PCDHA11: variants seen among roughly 807,000 people sequenced by gnomAD.
PCDHA11 encodes protocadherin alpha 11.
A neutral mutation model predicts 70.3 loss-of-function variants in PCDHA11; 61 were observed. That is an observed-to-expected ratio of 0.87 (90% CI 0.71 to 1.07). The LOEUF (loss-of-function observed/expected upper bound fraction) is 1.07. PCDHA11 is among the 50% of genes least tolerant of loss of function. PCDHA11 has a pLI of 0.00. For missense variants in PCDHA11, 1,324 were observed against 1,237.5 expected (o/e 1.07, Z -1.05); for synonymous variants, 633 against 555.1 (o/e 1.14, Z -1.97).
intron 3 of PCDHA11, among the ~76,000 whole-genome samples, chr5:141,003,148 GA>G (rs1554258931): frequency 1.3e-5 from 2 of 152,188 alleles, no homozygotes; most frequent in African/African-American, 4.8e-5. Flanking sequence ...CAAAGACTCT[GA>G]CCTGATCAAT....
At chr5:140,878,693 C>A (rs932928385) in intron 1 of PCDHA11, among the ~76,000 whole-genome samples, 6 of 152,254 alleles carry the variant, frequency 3.9e-5, no homozygotes, top group South Asian at 2.1e-4. Flanking sequence ...TCTTACATAC[C>A]CCAGCCTGGT....
intron 1 of PCDHA11, chr5:140,968,753 C>G: frequency 1.2e-6 from 2 of 1,614,022 alleles, no homozygotes; most frequent in Non-Finnish European, 1.7e-6. Flanking sequence ...CGTGGTGGTC[C>G]GAGATAATGG....
intron 1 of PCDHA11, among the ~76,000 whole-genome samples, chr5:140,976,809 T>C (rs1563451400): frequency 6.6e-6 from 1 of 152,220 alleles, no homozygotes; most frequent in Non-Finnish European, 1.5e-5. Flanking sequence ...TATCTGAAGA[T>C]ATGCATGTGT....
At chr5:140,933,184 G>T (rs1459868769) in intron 1 of PCDHA11, among the ~76,000 whole-genome samples, 4 of 149,618 alleles carry the variant, frequency 2.7e-5, no homozygotes, top group African/African-American at 4.9e-5. Flanking sequence ...ATAAGATAAT[G>T]GTTCAGGATA....
rs782411315 is a variant in PCDHA11, at chr5:140,883,596, T to G, written c.2391+12102T>G. ...CTGTGGGCCACGGCCAGCGTGTCGG[T>G]GGGGGTGGCCGACGTGAACGACAAC... On this transcript the variant is annotated intron_variant, in intron 1 of 3. Coordinates refer to ENST00000398640, the MANE Select transcript of PCDHA11 (RefSeq NM_018902.5). 1.0e-4 allele frequency: 167 copies of G among 1,613,676 alleles called. No homozygotes were observed. The highest frequency in any genetic ancestry group is 1.6e-4 in the Middle Eastern group (1 of 6,072).
chr5:140,975,201 A>G (rs1253516142), intron 1 of PCDHA11, among the ~76,000 whole-genome samples: 1 of 152,144 alleles, frequency 6.6e-6, no homozygotes, highest in Non-Finnish European at 1.5e-5. Context: ...CTCCATCTTC[A>G]TGGCTGGCAC....
At chr5:140,965,343 T>C (rs1460433512) in intron 1 of PCDHA11, among the ~76,000 whole-genome samples, 1 of 152,154 alleles carries the variant, frequency 6.6e-6, no homozygotes, top group Admixed American at 6.5e-5. Flanking sequence ...TGTCTCTGTG[T>C]TGCCTCTATA....
chr5:140,879,019 T>C (rs1554170641), intron 1 of PCDHA11, among the ~76,000 whole-genome samples: 2 of 152,216 alleles, frequency 1.3e-5, no homozygotes, highest in African/African-American at 4.8e-5. Flanking sequence ...AGATAATGTT[T>C]TATTGAAGAG....
chr5:140,931,259 CTATT>C (rs1407255574), intron 1 of PCDHA11, among the ~76,000 whole-genome samples: 2 of 152,080 alleles, frequency 1.3e-5, no homozygotes, highest in African/African-American at 4.8e-5. Flanking sequence ...AGAAATTTCA[CTATT>C]TATTTCTTTT....
intron 3 of PCDHA11, among the ~76,000 whole-genome samples, chr5:140,996,371 C>G (rs1183587138): frequency 6.6e-6 from 1 of 152,126 alleles, no homozygotes; most frequent in Admixed American, 6.6e-5. Context: ...ATTTTGTTGT[C>G]GGCTGAAATA....
intron 1 of PCDHA11, among the ~76,000 whole-genome samples, chr5:140,910,365 A>G (rs1554194228): frequency 6.6e-6 from 1 of 152,164 alleles, no homozygotes; most frequent in Non-Finnish European, 1.5e-5. Flanking sequence ...TATGGTAGCT[A>G]TGCCCACCTT....
Position 140,869,663 on chromosome 5 carries a change from A to G in PCDHA11, c.560A>G (p.Lys187Arg), listed in dbSNP as rs782419090. 3.1e-6 allele frequency: 5 copies of G among 1,613,538 alleles called. No individual in the cohort carries two copies. Among genetic ancestry groups the G allele is most frequent in the Non-Finnish European group, 4.2e-6 (5 of 1,179,864 alleles). Reference sequence around the variant, plus strand: ...TCTTTAGATTCACCAACAAATGGTAAGCAGATTAAAAGACTGTCACTTATT... The same window carrying G: ...TCTTTAGATTCACCAACAAATGGTAGGCAGATTAAAAGACTGTCACTTATT... ...YFSLDSPTNG[K>R]QIKRLSLILK... Residue 187 changes from lysine to arginine, a missense_variant, in exon 1 of 4, where the codon AAG becomes AGG. By Grantham distance (26) the Lys-to-Arg change is conservative. Coordinates refer to ENST00000398640, the MANE Select transcript of PCDHA11 (RefSeq NM_018902.5).
chr5:140,928,106 G>A, intron 1 of PCDHA11: 4 of 1,614,150 alleles, frequency 2.5e-6, no homozygotes, highest in Non-Finnish European at 3.4e-6. Context: ...CCCCTGGACC[G>A]GGAGCAGATC....
intron 1 of PCDHA11, among the ~76,000 whole-genome samples, chr5:140,925,964 C>CA (rs782520997): frequency 4.3e-4 from 65 of 150,204 alleles, no homozygotes; most frequent in Middle Eastern, 3.4e-3. Flanking sequence ...TGCTATCACG[C>CA]AAAAAAAAAG....
Position 140,870,554 on chromosome 5 carries a change from A to G in PCDHA11, c.1451A>G (p.Gln484Arg), listed in dbSNP as rs1554164402. The G allele has an allele frequency of 6.2e-7, 1 of 1,614,044 alleles. No individual in the cohort carries two copies. The highest frequency in any genetic ancestry group is 8.5e-7 in the Non-Finnish European group (1 of 1,179,994). The change falls in exon 1 of 4, where the codon CAG becomes CGG. Residue 484 changes from glutamine (Q) to arginine (R), a missense_variant. Gln to Arg is a conservative substitution (Grantham distance 43). Transcript: ENST00000398640. Reference protein sequence around the residue: ...FTVSARDADAQENALVSYSLV... With the variant: ...FTVSARDADARENALVSYSLV... ...GTGTCGGCGCGGGACGCGGACGCGC[A>G]GGAGAACGCGCTGGTGTCCTACTCG...
In PCDHA11 at chr5:140,983,053, C is replaced by T. The variant is rs571565176; in HGVS notation, c.2539+490C>T. 3.3e-5 allele frequency among the ~76,000 whole-genome samples: 5 copies of T among 151,988 alleles called. No homozygotes were observed. In the East Asian group the frequency reaches 5.8e-4, roughly 18 times the overall value. On this transcript the variant is annotated intron_variant, in intron 3 of 3. Transcript: ENST00000398640. ...GTTTCTCATGGAAGTGGAAAATTAT[C>T]GGAACCAAGGCATTGTTTTGAGTTC...
chr5:140,887,802 T>A (rs2061588161), intron 1 of PCDHA11, among the ~76,000 whole-genome samples: 1 of 152,198 alleles, frequency 6.6e-6, no homozygotes, highest in Non-Finnish European at 1.5e-5. Context: ...TTTATTTTTG[T>A]CCATTTCTTT....
rs782454826 is a variant in PCDHA11 at position 140,869,244 on chromosome 5, C to A, written c.141C>A (p.Arg47=). The part of the protein sequence containing the change: ...EEAKHGTFVG[R]IAQDLGLELA... ...CCAAACACGGCACCTTCGTGGGCCG[C>A]ATCGCGCAGGACCTGGGGCTGGAGC... is the stretch of plus-strand genomic sequence containing the variant. Residue 47 remains arginine (R), a synonymous_variant, in exon 1 of 4, where the codon CGC becomes CGA. Transcript: ENST00000398640. The A allele has an allele frequency of 6.2e-7, 1 of 1,613,658 alleles. No individual in the cohort carries two copies.
chr5:140,987,892 A>C (rs1383983251), intron 3 of PCDHA11, among the ~76,000 whole-genome samples: 1 of 152,094 alleles, frequency 6.6e-6, no homozygotes, highest in Non-Finnish European at 1.5e-5. Flanking sequence ...TATGTGCCCT[A>C]GTTTTATATG....
Sources: gnomAD v4.1 joint callset for allele counts (sites outside exome capture counted in the v4.1 genomes callset) on GRCh38, gnomAD v4.1.1 for gene constraint, MANE v1.5 for transcripts, NCBI Gene and HGNC (gene_info 2026-07-23, HGNC 2026-07-21) for gene names.